The following EVL variants were observed in gnomAD, a reference collection of about 807,000 sequenced individuals.
EVL encodes Enah/Vasp-like.
In EVL, 21 loss-of-function variants were observed where a neutral mutation model predicts 59.6. That is an observed-to-expected ratio of 0.35 (90% CI 0.25 to 0.51). The LOEUF is 0.51. EVL is among the 20% of genes least tolerant of loss of function. The probability of loss-of-function intolerance (pLI) is 0.97; values close to 1 mark genes in which losing one functional copy is unlikely to be tolerated. For synonymous variants in EVL, 198 were observed against 203.5 expected, an observed-to-expected ratio of 0.97 and a Z score of 0.23; for missense variants, 462 against 546.6, an observed-to-expected ratio of 0.85 and a Z score of 1.54.
At chr14:100,141,575 TC>T (rs1190709988) in intron 12 of EVL, among the ~76,000 whole-genome samples, 160 bp from the exon 13 acceptor site, 1 of 151,810 alleles carries the variant, frequency 6.6e-6, no homozygotes, top group East Asian at 1.9e-4. Flanking sequence ...TCCCATGCCG[TC>T]CCCCCTCAGC....
At chr14:100,039,193 T>C (rs2061431593) in intron 1 of EVL, among the ~76,000 whole-genome samples, 1 of 152,230 alleles carries the variant, frequency 6.6e-6, no homozygotes, top group South Asian at 2.1e-4. Context: ...TCTCACTTTA[T>C]GAAGTTCAGT....
chr14:99,975,410 C>G (rs1295720876), intron 1 of EVL, among the ~76,000 whole-genome samples: 3 of 152,176 alleles, frequency 2.0e-5, no homozygotes, highest in Non-Finnish European at 4.4e-5. Context: ...TGGAAATCAT[C>G]AGCCATAAGT....
rs542106388 is a variant in EVL at position 100,034,389 on chromosome 14, A to G, written c.6-50298A>G. On this transcript the variant is annotated intron_variant, in intron 1 of 13. Coordinates refer to the EVL transcript ENST00000402714. ...TTCCCACATATTAAACATAACACTTAATTTTGAGTTTACATTCTAGAAAAC... is the reference window on the plus strand; with the variant it reads ...TTCCCACATATTAAACATAACACTTGATTTTGAGTTTACATTCTAGAAAAC... Among the ~76,000 whole-genome samples, 13 of 152,240 alleles carry G rather than the reference A, an allele frequency of 8.5e-5. No homozygotes were observed. The South Asian group carries it at 1.5e-3, about 17-fold the overall frequency.
chr14:100,129,636 G>GTGGCGGAGGAGGCCTCA lies in EVL; in HGVS notation c.795_811dup (p.Glu271AlafsTer9). 1 of 1,609,862 alleles carries GTGGCGGAGGAGGCCTCA rather than the reference G, an allele frequency of 6.2e-7. No homozygotes were observed. ...GATGCCAACCGGGCAAGCAGCGGGG[G>GTGGCGGAGGAGGCCTCA]TGGCGGAGGAGGCCTCATGGAGGAA... On this transcript the variant is annotated frameshift_variant, in exon 7 of 14. Coordinates refer to ENST00000392920, the MANE Select transcript of EVL (RefSeq NM_016337.3). LOFTEE classifies it high-confidence loss of function.
At position 100,032,274 on chromosome 14, in the gene EVL, G is replaced by A. The variant is rs538932036; in HGVS notation, c.6-52413G>A. Among the ~76,000 whole-genome samples, 223 of 152,280 alleles carry A rather than the reference G, an allele frequency of 1.5e-3. 3 individuals are homozygous for A. Among genetic ancestry groups the A allele is most frequent in the Non-Finnish European group, 7.3e-5 (5 of 68,028 alleles). On this transcript the variant is annotated intron_variant, in intron 1 of 13. Transcript: ENST00000402714. Reference sequence around the variant, plus strand: ...TACTTTTATTCTCCACCTTTTTGGGGAGTGAAGGAATAGAGATTCCTAAGG... The same window carrying A: ...TACTTTTATTCTCCACCTTTTTGGGAAGTGAAGGAATAGAGATTCCTAAGG...
At chr14:100,037,904 C>T (rs2061411127) in intron 1 of EVL, among the ~76,000 whole-genome samples, 1 of 152,120 alleles carries the variant, frequency 6.6e-6, no homozygotes, top group African/African-American at 2.4e-5. Context: ...CTATTGAGGG[C>T]CGAGAACTGT....
intron 1 of EVL, among the ~76,000 whole-genome samples, chr14:100,013,998 C>A (rs1005147080): frequency 4.6e-5 from 7 of 152,156 alleles, no homozygotes; most frequent in Non-Finnish European, 8.8e-5. Context: ...GGGTATCCAT[C>A]ACCTCAAACA....
intron 1 of EVL, among the ~76,000 whole-genome samples, chr14:100,032,925 T>A (rs1230776833): frequency 1.3e-5 from 2 of 152,170 alleles, no homozygotes; most frequent in African/African-American, 4.8e-5. Context: ...TGTTTATTCA[T>A]TTTTATTACC....
intron 9 of EVL, 82 bp from the exon 10 acceptor site, chr14:100,137,496 C>T (rs1888874691): frequency 5.5e-6 from 8 of 1,452,418 alleles, no homozygotes; most frequent in Non-Finnish European, 6.7e-6. Context: ...GTGAGGGCTT[C>T]CTGTTGGGGT....
chr14:100,142,242 C>G (rs2140411651), intron 13 of EVL: 1 of 154,212 alleles, frequency 6.5e-6, no homozygotes, highest in South Asian at 2.0e-4. Flanking sequence ...TACAGGAAGA[C>G]CAAGGTCTAC....
chr14:100,025,234 T>C (rs1190809486), intron 1 of EVL, among the ~76,000 whole-genome samples: 1 of 152,206 alleles, frequency 6.6e-6, no homozygotes, highest in Non-Finnish European at 1.5e-5. Flanking sequence ...TTTAATGGCT[T>C]ACCAGGCCTG....
At chr14:100,119,549 A>G (rs1482440404) in intron 3 of EVL, among the ~76,000 whole-genome samples, 1 of 152,236 alleles carries the variant, frequency 6.6e-6, no homozygotes, top group Admixed American at 6.5e-5. Flanking sequence ...AGGGGACCAC[A>G]CCAGCAAGGC....
intron 1 of EVL, among the ~76,000 whole-genome samples, chr14:100,050,633 G>A (rs909937275): frequency 3.3e-5 from 5 of 149,398 alleles, no homozygotes; most frequent in Non-Finnish European, 7.4e-5. Flanking sequence ...CACCGCGCCT[G>A]GCCAAAAATT....
chr14:100,045,460 G>A (rs775975707), intron 1 of EVL, among the ~76,000 whole-genome samples: 17 of 152,248 alleles, frequency 1.1e-4, no homozygotes, highest in African/African-American at 9.6e-5. Context: ...CGTAATAGGC[G>A]CCCAACACAT....
At chr14:100,135,791 CAT>C (rs1489070701) in intron 8 of EVL, 112 bp from the exon 9 acceptor site, 3 of 899,408 alleles carry the variant, frequency 3.3e-6, no homozygotes, top group Non-Finnish European at 5.4e-6. Context: ...TTATAAAAGT[CAT>C]ATGTGTTCAT....
intron 1 of EVL, among the ~76,000 whole-genome samples, chr14:99,994,158 G>A (rs929100611): frequency 7.1e-5 from 4 of 56,320 alleles, no homozygotes; most frequent in Non-Finnish European, 9.2e-5. Flanking sequence ...GCCTATTTGT[G>A]TCTTAAGATC....
At chr14:100,056,163 G>C (rs1227848743) in intron 1 of EVL, among the ~76,000 whole-genome samples, 1 of 151,742 alleles carries the variant, frequency 6.6e-6, no homozygotes, top group African/African-American at 2.4e-5. Flanking sequence ...TTTCAGTCTT[G>C]AGCTCTTACA....
Position 100,137,733 on chromosome 14 carries a change from G to T in EVL, c.1032-7G>T, listed in dbSNP as rs375140575. On this transcript the variant is annotated splice_region_variant and splice_polypyrimidine_tract_variant and intron_variant, in intron 10 of 13. Coordinates refer to ENST00000392920, the MANE Select transcript of EVL (RefSeq NM_016337.3). Reference sequence around the variant, plus strand: ...ATTCACATGTCTGTTTCATTCCATTGCCGTAGAACCCCGTCTGTGGCAAAG... The same window carrying T: ...ATTCACATGTCTGTTTCATTCCATTTCCGTAGAACCCCGTCTGTGGCAAAG... 6.2e-7 allele frequency: 1 copy of T among 1,614,076 alleles called. No individual in the cohort carries two copies. The highest frequency in any genetic ancestry group is 8.5e-7 in the Non-Finnish European group (1 of 1,180,018).
intron 1 of EVL, among the ~76,000 whole-genome samples, chr14:100,010,373 C>T (rs933369754): frequency 6.6e-6 from 1 of 152,038 alleles, no homozygotes; most frequent in Admixed American, 6.5e-5. Context: ...AGAACTTGGT[C>T]GTCATTATTG....
Sources: allele counts gnomAD v4.1 joint callset (sites outside exome capture counted in the v4.1 genomes callset), GRCh38; gene constraint gnomAD v4.1.1; transcripts MANE v1.5; gene names NCBI Gene and HGNC (gene_info 2026-07-23, HGNC 2026-07-21).